DNAJC11: variants seen among roughly 807,000 people sequenced by gnomAD.
The protein encoded by DNAJC11 is dnaJ homolog subfamily C member 11.
Under a neutral mutation model 78.6 loss-of-function variants are expected in DNAJC11, and 15 were observed. The observed-to-expected ratio is 0.19, with a 90% CI of 0.13 to 0.29. The LOEUF (loss-of-function observed/expected upper bound fraction) is 0.29, where lower values mean the gene tolerates loss of function less well. DNAJC11 is among the 10% of genes least tolerant of loss of function. The probability of loss-of-function intolerance (pLI) is 1.00; values close to 1 mark genes in which losing one functional copy is unlikely to be tolerated. For missense variants in DNAJC11, 547 were observed against 709.6 expected (o/e 0.77, Z 2.60); for synonymous variants, 292 against 272.1 (o/e 1.07, Z -0.72).
At chr1:6,672,172 G>A (rs1642391698) in intron 3 of DNAJC11, among the ~76,000 whole-genome samples, 1 of 152,130 alleles carries the variant, frequency 6.6e-6, no homozygotes, top group Admixed American at 6.5e-5. Flanking sequence ...CTATTCAACA[G>A]GATATTAGTT....
In DNAJC11 at chr1:6,652,825, T is replaced by C. The variant is rs1393769052; in HGVS notation, c.630+4A>G. 1.9e-6 allele frequency: 3 copies of C among 1,613,922 alleles called. No homozygotes were observed. The African/African-American group carries it at 4.0e-5, about 22-fold the overall frequency. Reference sequence around the variant, plus strand: ...AACACAACTCAGCCAATAGACATTCTTACCTCTCCCCATCCCTTTGCCGAA... The same window carrying C: ...AACACAACTCAGCCAATAGACATTCCTACCTCTCCCCATCCCTTTGCCGAA... On this transcript the variant is annotated splice_donor_region_variant and intron_variant, in intron 6 of 15. Transcript: ENST00000377577.
At chr1:6,639,203 T>A (rs895840604) in intron 11 of DNAJC11, among the ~76,000 whole-genome samples, 14 of 135,358 alleles carry the variant, frequency 1.0e-4, no homozygotes, top group Admixed American at 7.3e-5. Context: ...TCTGTGACTT[T>A]CAAGACTCTA....
intron 1 of DNAJC11, among the ~76,000 whole-genome samples, chr1:6,698,142 T>C (rs1386110503): frequency 6.6e-6 from 1 of 152,156 alleles, no homozygotes; most frequent in Non-Finnish European, 1.5e-5. Flanking sequence ...ATTGTTTCCA[T>C]TTGAGATTTC....
intron 3 of DNAJC11, among the ~76,000 whole-genome samples, chr1:6,673,923 G>A (rs1176863378): frequency 6.6e-6 from 1 of 152,138 alleles, no homozygotes; most frequent in Non-Finnish European, 1.5e-5. Flanking sequence ...TAATGTAAAG[G>A]ACTGCAGACA....
At chr1:6,657,750 T>C (rs1332649455) in intron 4 of DNAJC11, among the ~76,000 whole-genome samples, 1 of 152,226 alleles carries the variant, frequency 6.6e-6, no homozygotes, top group Non-Finnish European at 1.5e-5. Context: ...GTTCACGCCA[T>C]TCTCCTGCCT....
At chr1:6,660,895 A>G (rs529090173) in intron 4 of DNAJC11, among the ~76,000 whole-genome samples, 10 of 152,314 alleles carry the variant, frequency 6.6e-5, no homozygotes, top group Non-Finnish European at 1.5e-4. Context: ...ACAATGAGAA[A>G]CTTCTTACCA....
At chr1:6,668,585 G>C (rs893269334) in intron 3 of DNAJC11, among the ~76,000 whole-genome samples, 1 of 152,132 alleles carries the variant, frequency 6.6e-6, no homozygotes, top group African/African-American at 2.4e-5. Context: ...ATCTCGAGCT[G>C]TCGGGTCTAG....
chr1:6,667,651 C>T, intron 4 of DNAJC11, 58 bp downstream of exon 4: 1 of 1,415,682 alleles, frequency 7.1e-7, no homozygotes, highest in Admixed American at 1.7e-5. Context: ...TCAGACCTGG[C>T]TTCTAGTTAT....
chr1:6,640,063 GA>G lies in DNAJC11; in HGVS notation c.1098-7del. 1 of 753,948 alleles carries G rather than the reference GA, an allele frequency of 1.3e-6. No homozygotes were observed. The highest frequency in any genetic ancestry group is 3.7e-5 in the South Asian group (1 of 27,038). 46.7% of individuals were successfully genotyped at this position (753,948 alleles called of 1,614,324 possible). ...TCTGACTGGCCCTGTTGAGCCTGGG[GA>G]AAAATACAAAAAAAAAAAAAAAAAA... On this transcript the variant is annotated splice_polypyrimidine_tract_variant and splice_region_variant and intron_variant, in intron 10 of 15. Transcript: ENST00000377577.
chr1:6,678,145 T>C (rs1030261531), intron 3 of DNAJC11, among the ~76,000 whole-genome samples: 1 of 152,196 alleles, frequency 6.6e-6, no homozygotes, highest in Admixed American at 6.5e-5. Flanking sequence ...TCCATCCCTC[T>C]TCCGTTTTAC....
In DNAJC11 at chr1:6,695,627, T is replaced by TAA. The variant is rs70984004; in HGVS notation, c.72+6100_72+6101dup. ...CAACATAGTGAAACCCTATCTCTACTAAAAAAAAAAAAAAAAAAAAAAAAA... is the reference window on the plus strand; with the variant it reads ...CAACATAGTGAAACCCTATCTCTACTAAAAAAAAAAAAAAAAAAAAAAAAAAA... On this transcript the variant is annotated intron_variant, in intron 1 of 15. Transcript: ENST00000377577. Among the ~76,000 whole-genome samples the TAA allele has an allele frequency of 6.3e-4, 52 of 83,000 alleles. 3 individuals are homozygous for TAA. The highest frequency in any genetic ancestry group is 2.0e-3 in the African/African-American group (46 of 22,470). 54.5% of individuals were successfully genotyped at this position (83,000 alleles called of 152,430 possible).
intron 1 of DNAJC11, among the ~76,000 whole-genome samples, chr1:6,687,625 A>G (rs183806266): frequency 4.5e-4 from 69 of 152,134 alleles, no homozygotes; most frequent in African/African-American, 1.5e-3. Context: ...CCAAAGTGCT[A>G]GGATTACACG....
At chr1:6,681,481 T>C (rs1222899763) in intron 1 of DNAJC11, among the ~76,000 whole-genome samples, 1 of 152,172 alleles carries the variant, frequency 6.6e-6, no homozygotes, top group East Asian at 1.9e-4. Context: ...TCCTTGAAAT[T>C]CAAAGACAAA....
intron 11 of DNAJC11, among the ~76,000 whole-genome samples, 179 bp downstream of exon 11, chr1:6,639,723 G>C (rs536292535): frequency 6.6e-6 from 1 of 152,214 alleles, no homozygotes; most frequent in East Asian, 1.9e-4. Flanking sequence ...ACAATGAGGA[G>C]AAATAGTTAA....
At chr1:6,691,127 G>A (rs1406935474) in intron 1 of DNAJC11, among the ~76,000 whole-genome samples, 1 of 144,374 alleles carries the variant, frequency 6.9e-6, no homozygotes, top group Non-Finnish European at 1.5e-5. Flanking sequence ...ATACCTCCAA[G>A]ATGGCAATAT....
At chr1:6,659,442 T>C (rs1331175632) in intron 4 of DNAJC11, among the ~76,000 whole-genome samples, 1 of 152,174 alleles carries the variant, frequency 6.6e-6, no homozygotes, top group Non-Finnish European at 1.5e-5. Flanking sequence ...AGTGGCACCT[T>C]TTCAGTGAAG....
intron 1 of DNAJC11, among the ~76,000 whole-genome samples, chr1:6,692,751 C>T (rs1325686522): frequency 6.6e-6 from 1 of 151,610 alleles, no homozygotes; most frequent in Non-Finnish European, 1.5e-5. Context: ...GCTGAGATTA[C>T]AGGCATTTGC....
At chr1:6,635,740 C>T in intron 15 of DNAJC11, 40 bp from the exon 16 acceptor site, 1 of 1,612,774 alleles carries the variant, frequency 6.2e-7, no homozygotes, top group Non-Finnish European at 8.5e-7. Flanking sequence ...CAGAAGGTGG[C>T]CATTCCCATG....
Position 6,653,950 on chromosome 1 carries a change from C to G in DNAJC11, c.468G>C (p.Gln156His). Reference sequence around the variant, plus strand: ...ATATGTGCATTTTATTAATTTCAATCTGCGGAAAGCTACTGCCGGACACAT... The same window carrying G: ...ATATGTGCATTTTATTAATTTCAATGTGCGGAAAGCTACTGCCGGACACAT... ...YEDVSGSSFP[Q>H]IEINKMHISQ... Residue 156 changes from glutamine (Q) to histidine (H), a missense_variant, in exon 5 of 16, where the codon CAG (glutamine) becomes CAC (histidine). Gln to His is a conservative substitution (Grantham distance 24). Transcript: ENST00000377577. This position sits in a 1 kb window ranked among gnomAD's most constrained non-coding sequence, Gnocchi z 4.5. 6.2e-7 allele frequency: 1 copy of G among 1,613,388 alleles called. No individual in the cohort carries two copies. Among genetic ancestry groups the G allele is most frequent in the South Asian group, 1.1e-5 (1 of 91,070 alleles).
Sources: gnomAD v4.1 joint callset for allele counts (sites outside exome capture counted in the v4.1 genomes callset) on GRCh38, gnomAD v4.1.1 for gene constraint, Gnocchi (gnomAD v3.1) non-coding constraint, MANE v1.5 for transcripts, NCBI Gene and HGNC (gene_info 2026-07-23, HGNC 2026-07-21) for gene names.